SEMA3C: variants seen among roughly 807,000 people sequenced by gnomAD.
The protein encoded by SEMA3C is semaphorin 3C, also known as semaphorin-3C.
A neutral mutation model predicts 89.4 loss-of-function variants in SEMA3C; 47 were observed. The ratio of observed to expected loss-of-function variants is 0.53; its 90% CI spans 0.42 to 0.67. The LOEUF is 0.67. SEMA3C is among the 30% of genes least tolerant of loss of function. The pLI is 0.00. For synonymous variants in SEMA3C, 310 were observed against 320.2 expected (o/e 0.97, Z 0.34); for missense variants, 839 against 929.1 (o/e 0.90, Z 1.26).
chr7:80,806,409 A>T (rs1352075276), intron 6 of SEMA3C, among the ~76,000 whole-genome samples: 1 of 152,192 alleles, frequency 6.6e-6, no homozygotes, highest in African/African-American at 2.4e-5. Context: ...TGACTAAAAA[A>T]TGTAATCACT....
intron 2 of SEMA3C, among the ~76,000 whole-genome samples, chr7:80,900,475 T>G (rs2116193986): frequency 6.6e-6 from 1 of 152,310 alleles, no homozygotes; most frequent in East Asian, 1.9e-4. Context: ...ATTACCTAAT[T>G]TAATATTCAC....
At chr7:80,878,692 A>C (rs1791259361) in intron 2 of SEMA3C, among the ~76,000 whole-genome samples, 1 of 152,052 alleles carries the variant, frequency 6.6e-6, no homozygotes, top group African/African-American at 2.4e-5. Flanking sequence ...CTAATACAAT[A>C]TTTTTCTTGC....
intron 2 of SEMA3C, among the ~76,000 whole-genome samples, chr7:80,863,037 A>G (rs1790808949): frequency 6.6e-6 from 1 of 152,166 alleles, no homozygotes; most frequent in Admixed American, 6.5e-5. Flanking sequence ...CAAGAATTTC[A>G]TGACCCAGAA....
rs1416033474 is a variant in SEMA3C, at chr7:80,918,999, TG to T, written c.-211del. On this transcript the variant is annotated 5_prime_UTR_variant, in exon 1 of 18. Coordinates refer to ENST00000265361, the MANE Select transcript of SEMA3C (RefSeq NM_006379.5). ...TTGTAAAGGAATCTCAGCGCTGCAG[TG>T]CCGCGGCACCCGGAGCTCTTCTCCG... 20 of 985,118 alleles carry T rather than the reference TG, an allele frequency of 2.0e-5. No individual in the cohort carries two copies. Among genetic ancestry groups the T allele is most frequent in the Non-Finnish European group, 2.0e-5 (17 of 829,886 alleles). The allele number at this position is 985,118 out of a possible 1,614,324, so 61.0% of individuals were successfully genotyped here. A position where few individuals can be genotyped will look rare whatever the true frequency, so the allele number is the denominator to read the frequency against.
chr7:80,814,791 A>G (rs535679211), intron 5 of SEMA3C, among the ~76,000 whole-genome samples: 4 of 152,120 alleles, frequency 2.6e-5, no homozygotes, highest in Admixed American at 6.6e-5. Context: ...CCTTATCCAA[A>G]TCCATCAACA....
chr7:80,795,596 AT>A (rs1789043497), intron 11 of SEMA3C, among the ~76,000 whole-genome samples: 2 of 152,182 alleles, frequency 1.3e-5, no homozygotes, highest in Admixed American at 1.3e-4. Context: ...TGTTAGCAGA[AT>A]TTTCTAATTT....
rs947855073 is a variant in SEMA3C at position 80,744,706 on chromosome 7, C to T, written c.*188G>A. The T allele has an allele frequency of 1.1e-5, 7 of 624,062 alleles. No individual in the cohort carries two copies. The South Asian group carries it at 1.4e-4, about 12-fold the overall frequency. 38.7% of individuals were successfully genotyped at this position (624,062 alleles called of 1,614,324 possible). The stretch of plus-strand genomic sequence containing the variant: ...TTTATATGCACCATGAGGACCATGA[C>T]ATGTCTAGTGCTAGTCACTATCATA... On this transcript the variant is annotated 3_prime_UTR_variant, in exon 18 of 18. Transcript: ENST00000265361.
intron 2 of SEMA3C, among the ~76,000 whole-genome samples, chr7:80,835,133 T>C (rs557082630): frequency 2.8e-4 from 42 of 152,246 alleles, no homozygotes; most frequent in African/African-American, 9.6e-4. Flanking sequence ...TGAAAATCAA[T>C]TCCCAGGAGT....
intron 12 of SEMA3C, among the ~76,000 whole-genome samples, chr7:80,785,989 C>T (rs1343852164): frequency 6.6e-6 from 1 of 152,072 alleles, no homozygotes; most frequent in Non-Finnish European, 1.5e-5. Context: ...ATAATGCAGC[C>T]GGTTATGACA....
At chr7:80,920,181 T>G (rs1159265914), upstream of SEMA3C, among the ~76,000 whole-genome samples, 1 of 152,204 alleles carries the variant, frequency 6.6e-6, no homozygotes. Flanking sequence ...CGTTAAACTC[T>G]GGAACTGACT....
At chr7:80,873,351 C>T (rs1240982537) in intron 2 of SEMA3C, among the ~76,000 whole-genome samples, 3 of 152,080 alleles carry the variant, frequency 2.0e-5, no homozygotes, top group African/African-American at 4.8e-5. Context: ...GCAGATGTTT[C>T]GAGTTTGTTT....
intron 2 of SEMA3C, among the ~76,000 whole-genome samples, chr7:80,863,500 C>T (rs1479150018): frequency 1.3e-5 from 2 of 151,898 alleles, no homozygotes; most frequent in Admixed American, 6.6e-5. Flanking sequence ...AGCAATCCCA[C>T]TACTGGGTAT....
chr7:80,876,183 T>C (rs539188546), intron 2 of SEMA3C, among the ~76,000 whole-genome samples: 1 of 152,326 alleles, frequency 6.6e-6, no homozygotes, highest in South Asian at 2.1e-4. Context: ...TAATAATTCC[T>C]CTAATCTATT....
At position 80,808,997 on chromosome 7, in the gene SEMA3C, G is replaced by A. The variant is rs564066106; in HGVS notation, c.538+1614C>T. 3.3e-5 allele frequency among the ~76,000 whole-genome samples: 5 copies of A among 152,154 alleles called. 1 individual carries two copies. The South Asian group carries it at 8.3e-4, about 25-fold the overall frequency. On this transcript the variant is annotated intron_variant, in intron 6 of 17. Transcript: ENST00000265361. ...TCTCCATGTTGGTCAGGCTGGTCTCGAACTTCCAGCCTTCGGTGATTCACC... is the reference window on the plus strand; with the variant it reads ...TCTCCATGTTGGTCAGGCTGGTCTCAAACTTCCAGCCTTCGGTGATTCACC...
Position 80,895,840 on chromosome 7 carries a change from A to G in SEMA3C, c.103+20839T>C, listed in dbSNP as rs1200032199. Among the ~76,000 whole-genome samples the G allele has an allele frequency of 2.0e-5, 3 of 152,126 alleles. No homozygotes were observed. The East Asian group carries it at 5.8e-4, about 29-fold the overall frequency. On this transcript the variant is annotated intron_variant, in intron 2 of 17. Transcript: ENST00000265361. ...TCAATTTAGGGCTGTCTAAAGCAAA[A>G]TTTATTCTATAGCAATTAATTACCT...
At chr7:80,896,646 C>T (rs1415266753) in intron 2 of SEMA3C, among the ~76,000 whole-genome samples, 1 of 152,150 alleles carries the variant, frequency 6.6e-6, no homozygotes, top group African/African-American at 2.4e-5. Flanking sequence ...TAATAGTTAA[C>T]AGGATCTCTT....
chr7:80,860,135 CTACT>C (rs1223662941), intron 2 of SEMA3C, among the ~76,000 whole-genome samples: 1 of 151,866 alleles, frequency 6.6e-6, no homozygotes. Flanking sequence ...TGTTTTTATC[CTACT>C]TATTCAGCAA....
At chr7:80,805,447 G>A (rs7807850) in intron 7 of SEMA3C, among the ~76,000 whole-genome samples, 192 bp downstream of exon 7, 10,986 of 151,896 alleles carry the variant, frequency 0.072, 430 homozygotes, top group Non-Finnish European at 0.097. Context: ...ATAAAGAATC[G>A]AAATATGGAC....
intron 2 of SEMA3C, among the ~76,000 whole-genome samples, chr7:80,853,804 TC>T (rs1790571418): frequency 6.6e-6 from 1 of 152,072 alleles, no homozygotes; most frequent in Non-Finnish European, 1.5e-5. Context: ...AAAGGATTAA[TC>T]CTTGAGACAA....
Sources: gnomAD v4.1 joint callset for allele counts (sites outside exome capture counted in the v4.1 genomes callset) on GRCh38, gnomAD v4.1.1 for gene constraint, MANE v1.5 for transcripts, NCBI Gene and HGNC (gene_info 2026-07-23, HGNC 2026-07-21) for gene names.